Variants in PLCD3 observed in about 807,000 individuals in gnomAD.
The protein encoded by PLCD3 is phospholipase C delta 3.
Under a neutral mutation model 82.8 loss-of-function variants are expected in PLCD3, and 62 were observed. The ratio of observed to expected loss-of-function variants is 0.75; its 90% confidence interval spans 0.61 to 0.93. The LOEUF (loss-of-function observed/expected upper bound fraction) is 0.93. PLCD3 is among the 40% of genes least tolerant of loss of function. PLCD3 has a pLI of 0.00. For synonymous variants in PLCD3, 478 were observed against 471.8 expected (o/e 1.01, Z -0.17); for missense variants, 1,023 against 1,103.4 (o/e 0.93, Z 1.03).
rs1476855994 is a variant in PLCD3 at position 45,120,953 on chromosome 17, G to C, written c.503C>G (p.Thr168Ser). ...EEAQRWVRGL[T>S]KLRARLDAMS... ...GGCGTCCAGGCGCGCGCGGAGCTTG[G>C]TCAGACCGCGCACCCAGCGCTGCGC... The change falls in exon 3 of 15, where the codon ACC (threonine) becomes AGC (serine). Residue 168 changes from threonine (T) to serine (S), a missense_variant. Thr to Ser is a moderately conservative substitution (Grantham distance 58). Transcript: ENST00000619929. 2.7e-6 allele frequency: 4 copies of C among 1,508,916 alleles called. No individual in the cohort carries two copies. Among genetic ancestry groups the C allele is most frequent in the Admixed American group, 4.4e-5 (2 of 45,864 alleles). The allele number at this position is 1,508,916 out of a possible 1,614,324, so 93.5% of individuals were successfully genotyped here. A position where few individuals can be genotyped will look rare whatever the true frequency, so the allele number is the denominator to read the frequency against.
chr17:45,118,965 C>G lies in PLCD3; in HGVS notation c.763G>C (p.Glu255Gln). The part of the protein sequence containing the change: ...EFLRRLLKRP[E>Q]LEEIFHQYSG... ...TACTGATGGAAGATCTCCTCCAGCT[C>G]CGGCCGCTTCAGCAGCCGCCGCAGG... The change falls in exon 5 of 15, where the codon GAG (glutamate) becomes CAG (glutamine). Residue 255 changes from glutamate to glutamine, a missense_variant. This residue lies in a region of PLCD3 where 448 missense variants were observed against 406.3 expected (regional missense o/e 1.10). Transcript: ENST00000619929. This position sits in a 1 kb window ranked among gnomAD's most constrained non-coding sequence, Gnocchi z 4.1. The G allele has an allele frequency of 6.8e-6, 11 of 1,612,108 alleles. No homozygotes were observed. The highest frequency in any genetic ancestry group is 9.3e-6 in the Non-Finnish European group (11 of 1,179,588).
rs756912307 is a variant in PLCD3 at position 45,115,369 on chromosome 17, ACCT to A, written c.1532_1534del (p.Glu511del). Reference sequence around the variant, plus strand: ...CAGCCGCCTCTGCGCTGCAGCCTCCACCTCCTCTTCTTCCTCCTCGTCATCCTC... The same window carrying A: ...CAGCCGCCTCTGCGCTGCAGCCTCCACCTCTTCTTCCTCCTCGTCATCCTC... On this transcript the variant is annotated inframe_deletion, in exon 9 of 15. Coordinates refer to ENST00000619929, the MANE Select transcript of PLCD3 (RefSeq NM_133373.5). The A allele has an allele frequency of 2.9e-6, 4 of 1,359,566 alleles. No individual in the cohort carries two copies. The highest frequency in any genetic ancestry group is 2.5e-5 in the South Asian group (2 of 81,360). The allele number at this position is 1,359,566 out of a possible 1,614,324, so 84.2% of individuals were successfully genotyped here.
chr17:45,114,165 G>A, intron 11 of PLCD3, 85 bp downstream of exon 11: 1 of 989,904 alleles, frequency 1.0e-6, no homozygotes, highest in South Asian at 1.8e-5. Flanking sequence ...TCCACCGTCT[G>A]GAAGGCTGTG....
rs114871277 is a variant in PLCD3, at chr17:45,115,736, G to A, written c.1414-246C>T. The A allele has an allele frequency of 8.3e-4, 423 of 506,828 alleles. 2 individuals are homozygous for A. The highest frequency in any genetic ancestry group is 7.4e-3 in the African/African-American group (394 of 52,994). 31.4% of individuals were successfully genotyped at this position (506,828 alleles called of 1,614,324 possible). On this transcript the variant is annotated intron_variant, in intron 8 of 14. Coordinates refer to ENST00000619929, the MANE Select transcript of PLCD3 (RefSeq NM_133373.5). ...ACACAGCAGCCACTACAATGCACGC[G>A]ACAGCTCAGGACTGAAAGGAAAGGG...
At chr17:45,115,282 G>A (rs1187441290) in intron 9 of PLCD3, 38 bp from the exon 10 acceptor site, 15 of 1,530,006 alleles carry the variant, frequency 9.8e-6, no homozygotes, top group African/African-American at 1.4e-5. Context: ...GCTGGCCCCC[G>A]CTTCCCACAT....
intron 1 of PLCD3, chr17:45,129,128 C>A (rs1223335250): frequency 6.6e-6 from 1 of 152,242 alleles, no homozygotes; most frequent in Non-Finnish European, 1.5e-5. Context: ...ATGCGAAAAG[C>A]GCCTGGGACA....
chr17:45,126,783 C>T (rs563975421), intron 1 of PLCD3, among the ~76,000 whole-genome samples: 19 of 152,054 alleles, frequency 1.2e-4, no homozygotes, highest in African/African-American at 3.4e-4. Context: ...CTCAGCCTCC[C>T]GAGGAGCTGG....
In PLCD3 at chr17:45,112,631, G is replaced by A. The variant is rs772716309; in HGVS notation, c.2355C>T (p.Arg785=). The A allele has an allele frequency of 2.4e-5, 38 of 1,603,566 alleles. 1 individual carries two copies. The Admixed American group carries it at 6.3e-4, about 27-fold the overall frequency. The change falls in exon 15 of 15, where the codon CGC becomes CGT. Residue 785 remains arginine (R), a synonymous_variant. Transcript: ENST00000619929. The part of the protein sequence containing the change: ...LSPATLFIQI[R]IQRS ...AGGTGGGCCCTCAGGAGCGCTGGAT[G>A]CGGATTTGGATGAAGAGCGTGGCTG...
At position 45,112,229 on chromosome 17, in the gene PLCD3, G is replaced by T. The variant is rs2054248389; in HGVS notation, c.*387C>A. On this transcript the variant is annotated 3_prime_UTR_variant, in exon 15 of 15. Coordinates refer to ENST00000619929, the MANE Select transcript of PLCD3 (RefSeq NM_133373.5). ...CCAAGTGGAGTGACTGCGCTCCTCT[G>T]GGGGAAGGAGGCTGGGATGGCCCAC... 1 of 236,762 alleles carries T rather than the reference G, an allele frequency of 4.2e-6. No individual in the cohort carries two copies. Among genetic ancestry groups the T allele is most frequent in the South Asian group, 6.0e-5 (1 of 16,530 alleles). 14.7% of individuals were successfully genotyped at this position (236,762 alleles called of 1,614,324 possible). A position where few individuals can be genotyped will look rare whatever the true frequency, so the allele number is the denominator to read the frequency against.
Position 45,132,448 on chromosome 17 carries a change from A to T in PLCD3, c.-38T>A. The T allele has an allele frequency of 2.6e-6, 3 of 1,162,094 alleles. No homozygotes were observed. The highest frequency in any genetic ancestry group is 3.2e-6 in the Non-Finnish European group (3 of 937,314). 72.0% of individuals were successfully genotyped at this position (1,162,094 alleles called of 1,614,324 possible). A position where few individuals can be genotyped will look rare whatever the true frequency, so the allele number is the denominator to read the frequency against. On this transcript the variant is annotated 5_prime_UTR_variant, in exon 1 of 15. Coordinates refer to ENST00000619929, the MANE Select transcript of PLCD3 (RefSeq NM_133373.5). The surrounding 1 kb of genome is among the most constrained non-coding windows in gnomAD (Gnocchi z 4.6). ...GGCCGGGGCCGGGCCCGGGGTCTGC[A>T]CGCGGGGACAGGGCAGCGGGGCGCC...
Position 45,118,557 on chromosome 17 carries a change from C to T in PLCD3, c.914-65G>A, listed in dbSNP as rs952039955. ...ATCCCCCATGTCCAGCTTCCAATGC[C>T]CCCAAGGCCCACTCAGCTTAGGAAT... On this transcript the variant is annotated intron_variant, in intron 5 of 14. Transcript: ENST00000619929. This position sits in a 1 kb window ranked among gnomAD's most constrained non-coding sequence, Gnocchi z 4.1. 5.1e-6 allele frequency: 8 copies of T among 1,555,592 alleles called. No individual in the cohort carries two copies. The Admixed American group carries it at 1.4e-4, about 26-fold the overall frequency.
chr17:45,112,525 T>C lies in PLCD3; in HGVS notation c.*91A>G. ...CCAAGTGGGTGGGCTGGGGGGCTGG[T>C]ACTCCCACCACCTGACTCCAGAGGA... On this transcript the variant is annotated 3_prime_UTR_variant, in exon 15 of 15. Coordinates refer to ENST00000619929, the MANE Select transcript of PLCD3 (RefSeq NM_133373.5). 1 of 1,365,036 alleles carries C rather than the reference T, an allele frequency of 7.3e-7. No homozygotes were observed. The highest frequency in any genetic ancestry group is 1.0e-6 in the Non-Finnish European group (1 of 983,268). 84.6% of individuals were successfully genotyped at this position (1,365,036 alleles called of 1,614,324 possible).
At chr17:45,121,455 C>G (rs1384213473) in intron 1 of PLCD3, 83 bp from the exon 2 acceptor site, 2 of 1,407,604 alleles carry the variant, frequency 1.4e-6, no homozygotes, top group African/African-American at 3.0e-5. Flanking sequence ...CCTGCTGCCC[C>G]ATCCTCCAGC....
At chr17:45,120,195 G>T in intron 4 of PLCD3, 130 bp downstream of exon 4, 1 of 1,285,958 alleles carries the variant, frequency 7.8e-7, no homozygotes, top group Non-Finnish European at 1.1e-6. Context: ...CTTTGTGCAG[G>T]GAAAGGCTGC....
intron 8 of PLCD3, 140 bp from the exon 9 acceptor site, chr17:45,115,630 T>A (rs1182609235): frequency 1.4e-6 from 1 of 729,976 alleles, no homozygotes; most frequent in Non-Finnish European, 2.2e-6. Context: ...ATGAGCGATG[T>A]TTCTAATAGG....
In PLCD3 at chr17:45,112,393, G is replaced by A; in HGVS notation, c.*223C>T. On this transcript the variant is annotated 3_prime_UTR_variant, in exon 15 of 15. Coordinates refer to ENST00000619929, the MANE Select transcript of PLCD3 (RefSeq NM_133373.5). Reference sequence around the variant, plus strand: ...GCTGGGGCCATCTCAGGGCCCCAGGGTTGGAGCTCACTGAAGTCACATGAA... The same window carrying A: ...GCTGGGGCCATCTCAGGGCCCCAGGATTGGAGCTCACTGAAGTCACATGAA... 1.7e-6 allele frequency: 1 copy of A among 580,966 alleles called. No homozygotes were observed. The highest frequency in any genetic ancestry group is 3.1e-6 in the Non-Finnish European group (1 of 324,404). The allele number at this position is 580,966 out of a possible 1,614,324, so 36.0% of individuals were successfully genotyped here. A position where few individuals can be genotyped will look rare whatever the true frequency, so the allele number is the denominator to read the frequency against.
intron 7 of PLCD3, 82 bp downstream of exon 7, chr17:45,117,912 A>G (rs2277692): frequency 1.3e-5 from 20 of 1,539,324 alleles, no homozygotes; most frequent in Admixed American, 9.3e-5. Context: ...CTCTGGAAGG[A>G]CGGAGGGCAG....
At chr17:45,131,017 T>C (rs2054428444) in intron 1 of PLCD3, among the ~76,000 whole-genome samples, 1 of 151,880 alleles carries the variant, frequency 6.6e-6, no homozygotes, top group African/African-American at 2.4e-5. Context: ...GGGTGGAGCA[T>C]ACCATAGGCA....
Position 45,113,594 on chromosome 17 carries a change from A to C in PLCD3, c.1840T>G (p.Phe614Val). 1 of 1,555,496 alleles carries C rather than the reference A, an allele frequency of 6.4e-7. No homozygotes were observed. Residue 614 changes from phenylalanine (F) to valine (V), a missense_variant, in exon 12 of 15, where the codon TTC (phenylalanine) becomes GTC (valine). Physicochemically the swap from Phe to Val is conservative, Grantham distance 50. This residue lies in a region of PLCD3 where 553 missense variants were observed against 655.7 expected (regional missense o/e 0.84). Coordinates refer to ENST00000619929, the MANE Select transcript of PLCD3 (RefSeq NM_133373.5). Reference sequence around the variant, plus strand: ...TCCATCTCGTAGCCTGGCGTCTGGAAGTTCAAGGCCACTGTGGACACAGCA... The same window carrying C: ...TCCATCTCGTAGCCTGGCGTCTGGACGTTCAAGGCCACTGTGGACACAGCA... ...NSGCQLVALNFQTPGYEMDLN... is the reference protein window; with the variant it reads ...NSGCQLVALNVQTPGYEMDLN...
Sources: gnomAD v4.1 joint callset for allele counts (sites outside exome capture counted in the v4.1 genomes callset) on GRCh38, gnomAD v4.1.1 for gene constraint, gnomAD v4.1.1 regional missense constraint, Gnocchi (gnomAD v3.1) non-coding constraint, MANE v1.5 for transcripts, NCBI Gene and HGNC (gene_info 2026-07-23, HGNC 2026-07-21) for gene names.